ATF7IP2: variants seen among roughly 807,000 people sequenced by gnomAD.
ATF7IP2 encodes the protein activating transcription factor 7 interacting protein 2, also known as activating transcription factor 7-interacting protein 2.
In ATF7IP2, 42 loss-of-function variants were observed where a neutral mutation model predicts 64.2. That is an observed-to-expected ratio of 0.65 (90% CI 0.51 to 0.85). The LOEUF is 0.85. Ranked by LOEUF, ATF7IP2 falls within the 40% of genes least tolerant of loss-of-function variation. The pLI, the probability that ATF7IP2 is intolerant of heterozygous loss-of-function variation, is 0.00. For synonymous variants in ATF7IP2, 308 were observed against 272.8 expected, an observed-to-expected ratio of 1.13 and a Z score of -1.27; for missense variants, 933 against 784.2, an observed-to-expected ratio of 1.19 and a Z score of -2.27.
At chr16:10,479,958 C>CTTTTTTTTTTTTTT (rs201158427) in intron 12 of ATF7IP2, among the ~76,000 whole-genome samples, 2 of 80,568 alleles carry the variant, frequency 2.5e-5, no homozygotes, top group Admixed American at 1.7e-4. Flanking sequence ...ACTGGAAATA[C>CTTTTTTTTTTTTTT]TTTTTTTTTT....
chr16:10,473,572 A>C (rs775854714), intron 11 of ATF7IP2, 38 bp downstream of exon 11: 1 of 1,394,564 alleles, frequency 7.2e-7, no homozygotes, highest in Non-Finnish European at 1.0e-6. Context: ...TTGTTTATTT[A>C]AATATGTTAG....
At chr16:10,475,685 T>A (rs1596632100) in intron 12 of ATF7IP2, among the ~76,000 whole-genome samples, 1 of 96,098 alleles carries the variant, frequency 1.0e-5, no homozygotes, top group African/African-American at 4.9e-5. Context: ...AGAGCGAAAC[T>A]CCGTCTCAAA....
At chr16:10,446,817 G>C (rs2048820869) in intron 8 of ATF7IP2, 1 of 152,124 alleles carries the variant, frequency 6.6e-6, no homozygotes, top group South Asian at 2.1e-4. Flanking sequence ...TTGGGGTGAG[G>C]CTCAATATCC....
intron 8 of ATF7IP2, 94 bp downstream of exon 8, chr16:10,440,556 AGGT>A: frequency 2.7e-6 from 2 of 735,296 alleles, no homozygotes; most frequent in Non-Finnish European, 4.4e-6. Flanking sequence ...CTAGGACAGA[AGGT>A]GTAAAGGTAA....
intron 3 of ATF7IP2, among the ~76,000 whole-genome samples, chr16:10,424,317 T>C (rs887382579): frequency 1.3e-5 from 2 of 152,190 alleles, no homozygotes; most frequent in African/African-American, 4.8e-5. Flanking sequence ...TATGGCTAGA[T>C]TTGGGGTCCT....
chr16:10,439,517 A>T (rs2048538479), intron 7 of ATF7IP2, among the ~76,000 whole-genome samples: 1 of 136,178 alleles, frequency 7.3e-6, no homozygotes, highest in African/African-American at 2.8e-5. Context: ...TATAGGCGTG[A>T]GCCACCGCCC....
chr16:10,431,590 T>TGAACCA, intron 5 of ATF7IP2, 135 bp downstream of exon 5: 1 of 605,744 alleles, frequency 1.7e-6, no homozygotes, highest in Non-Finnish European at 2.8e-6. Context: ...CAGTATCTTG[T>TGAACCA]TTCTGAACCA....
chr16:10,419,092 C>A (rs1483193314), intron 2 of ATF7IP2, among the ~76,000 whole-genome samples: 1 of 152,174 alleles, frequency 6.6e-6, no homozygotes, highest in Non-Finnish European at 1.5e-5. Flanking sequence ...TTTTTTCGGG[C>A]CAGGTCCAAT....
chr16:10,394,585 A>G (rs1425779081), intron 1 of ATF7IP2, among the ~76,000 whole-genome samples: 1 of 152,206 alleles, frequency 6.6e-6, no homozygotes, highest in African/African-American at 2.4e-5. Context: ...TTTGGAGTGT[A>G]TGTAGAACAT....
At position 10,450,973 on chromosome 16, in the gene ATF7IP2, T is replaced by C. The variant is rs184838278; in HGVS notation, c.1195-6399T>C. On this transcript the variant is annotated intron_variant, in intron 8 of 13. Transcript: ENST00000562102. The stretch of plus-strand genomic sequence containing the variant: ...GGTACTGGTTGTTCCTTTCCATGTT[T>C]AGTGCTTCTTTCAGGAGCTCTTGTA... 1.9e-4 allele frequency among the ~76,000 whole-genome samples: 29 copies of C among 152,356 alleles called. 1 individual carries two copies. The highest frequency in any genetic ancestry group is 1.8e-3 in the Admixed American group (28 of 15,306).
chr16:10,433,724 C>T (rs1448983014), intron 6 of ATF7IP2, 75 bp downstream of exon 6: 2 of 1,519,004 alleles, frequency 1.3e-6, no homozygotes, highest in South Asian at 1.1e-5. Context: ...ATCTGGTCCC[C>T]ACAGTGGCAT....
chr16:10,477,766 A>G (rs1480311036), intron 12 of ATF7IP2, among the ~76,000 whole-genome samples: 2 of 152,190 alleles, frequency 1.3e-5, no homozygotes, highest in East Asian at 1.9e-4. Context: ...TCTCAGCCCA[A>G]AATCTCCTTA....
Position 10,443,931 on chromosome 16 carries a change from G to A in ATF7IP2, c.1194+3469G>A, listed in dbSNP as rs946672093. ...CTTTAGGGCGGCACAGGGACCTTCC[G>A]TGAAAGTCCAGCCTTGGTACTGAGT... On this transcript the variant is annotated intron_variant, in intron 8 of 13. Transcript: ENST00000562102. Among the ~76,000 whole-genome samples the A allele has an allele frequency of 4.6e-5, 7 of 152,146 alleles. No individual in the cohort carries two copies. The South Asian group carries it at 6.2e-4, about 14-fold the overall frequency.
intron 6 of ATF7IP2, among the ~76,000 whole-genome samples, chr16:10,437,266 A>C (rs987559213): frequency 6.6e-6 from 1 of 152,044 alleles, no homozygotes; most frequent in Non-Finnish European, 1.5e-5. Flanking sequence ...TGATCTGCCC[A>C]CCTCGGCCTC....
chr16:10,406,703 A>G (rs1171215245), intron 1 of ATF7IP2, among the ~76,000 whole-genome samples: 1 of 152,228 alleles, frequency 6.6e-6, no homozygotes. Context: ...ACCTACAAAG[A>G]TTGAACCATT....
intron 9 of ATF7IP2, among the ~76,000 whole-genome samples, chr16:10,461,376 A>T (rs1422343988): frequency 6.6e-6 from 1 of 152,124 alleles, no homozygotes; most frequent in African/African-American, 2.4e-5. Context: ...TTGCATGTTG[A>T]TATGCCATAG....
chr16:10,471,351 A>T (rs1434569905), intron 9 of ATF7IP2, among the ~76,000 whole-genome samples: 1 of 152,138 alleles, frequency 6.6e-6, no homozygotes, highest in Non-Finnish European at 1.5e-5. Flanking sequence ...AACATGGTGA[A>T]ACCCTGTCTC....
chr16:10,430,718 G>C lies in ATF7IP2; in HGVS notation c.98G>C (p.Arg33Thr). The change falls in exon 5 of 14, where the codon AGG (arginine) becomes ACG (threonine). Residue 33 changes from arginine to threonine, a missense_variant. Physicochemically the swap from Arg to Thr is moderately conservative, Grantham distance 71 (BLOSUM62 -1). Transcript: ENST00000562102. ...CAAGTAGAGATGCTGAATAAGTCAA[G>C]GAATGTTGAAGCGCTGAAAACAGCA... ...RKQVEMLNKS[R>T]NVEALKTAIG... is the part of the protein sequence containing the mutation. 6.2e-7 allele frequency: 1 copy of C among 1,614,138 alleles called. No individual in the cohort carries two copies. The highest frequency in any genetic ancestry group is 8.5e-7 in the Non-Finnish European group (1 of 1,180,026).
intron 8 of ATF7IP2, 38 bp downstream of exon 8, chr16:10,440,500 G>T: frequency 8.7e-7 from 1 of 1,143,016 alleles, no homozygotes; most frequent in South Asian, 1.4e-5. Context: ...TCATCTATTT[G>T]ACTCATATAA....
Sources: allele counts gnomAD v4.1 joint callset (sites outside exome capture counted in the v4.1 genomes callset), GRCh38; gene constraint gnomAD v4.1.1; transcripts MANE v1.5; gene names NCBI Gene and HGNC (gene_info 2026-07-23, HGNC 2026-07-21).